Variants in ADSS1 observed in about 807,000 individuals in gnomAD.
The protein encoded by ADSS1 is adenylosuccinate synthase 1.
A neutral mutation model predicts 59.1 loss-of-function variants in ADSS1; 57 were observed. The observed-to-expected ratio is 0.97, with a 90% confidence interval of 0.78 to 1.20. The LOEUF is 1.20. Among genes scored for constraint, ADSS1 ranks in the 50% most tolerant of loss-of-function variants. The pLI, the probability that ADSS1 is intolerant of heterozygous loss-of-function variation, is 0.00. For missense variants in ADSS1, 603 were observed against 610.3 expected, an observed-to-expected ratio of 0.99 and a Z score of 0.13; for synonymous variants, 247 against 249.4, an observed-to-expected ratio of 0.99 and a Z score of 0.09.
rs200253621 is a variant in ADSS1 at position 104,738,446 on chromosome 14, C to T, written c.358+8C>T. ...AGAAGAATGAAAAGAAAGGTAGGTC[C>T]AAGCTCCTGCAGACTTGCCCTGTCC... On this transcript the variant is annotated splice_region_variant and intron_variant, in intron 3 of 12. Coordinates refer to ENST00000330877, the MANE Select transcript of ADSS1 (RefSeq NM_152328.5). 102 of 1,613,380 alleles carry T rather than the reference C, an allele frequency of 6.3e-5. 1 individual carries two copies. The African/African-American group carries it at 1.2e-3, about 19-fold the overall frequency.
Position 104,730,095 on chromosome 14 carries a change from C to G in ADSS1, c.193-4925C>G, listed in dbSNP as rs780252776. 1.9e-6 allele frequency: 3 copies of G among 1,552,864 alleles called. No individual in the cohort carries two copies. In the East Asian group the frequency reaches 7.3e-5, roughly 38 times the overall value. On this transcript the variant is annotated intron_variant, in intron 1 of 12. Coordinates refer to ENST00000330877, the MANE Select transcript of ADSS1 (RefSeq NM_152328.5). ...CTTCCCAGTGCCTGTGGAGGCCCAA[C>G]TAGGGTGACGCTGGGAGAGGAGAGG...
intron 7 of ADSS1, 26 bp from the exon 8 acceptor site, chr14:104,741,091 C>A: frequency 6.3e-7 from 1 of 1,589,970 alleles, no homozygotes; most frequent in Non-Finnish European, 8.6e-7. Context: ...CACAGGCTCA[C>A]TCTGCTGCTT....
At chr14:104,739,241 G>T in intron 3 of ADSS1, 87 bp from the exon 4 acceptor site, 1 of 1,433,370 alleles carries the variant, frequency 7.0e-7, no homozygotes, top group East Asian at 2.5e-5. Flanking sequence ...GATGGGAGCC[G>T]GGCGAGCTAG....
At position 104,740,981 on chromosome 14, in the gene ADSS1, C is replaced by T; in HGVS notation, c.666+61C>T. 1 of 1,610,678 alleles carries T rather than the reference C, an allele frequency of 6.2e-7. No individual in the cohort carries two copies. Among genetic ancestry groups the T allele is most frequent in the Non-Finnish European group, 8.5e-7 (1 of 1,177,578 alleles). On this transcript the variant is annotated intron_variant, in intron 7 of 12. Transcript: ENST00000330877. The surrounding 1 kb of genome is among the most constrained non-coding windows in gnomAD (Gnocchi z 4.8). ...TGCTCCTCCAGGGAGGCTGGATGTC[C>T]TACCTGGTGCTCGTTGAACACCCTT...
intron 1 of ADSS1, among the ~76,000 whole-genome samples, chr14:104,730,974 G>GGGGCC (rs1890910631): frequency 1.2e-5 from 1 of 82,792 alleles, no homozygotes. Context: ...GGGGGGGGGG[G>GGGGCC]CTCAGTGTCC....
intron 3 of ADSS1, among the ~76,000 whole-genome samples, chr14:104,738,814 C>T (rs1443104953): frequency 7.2e-5 from 11 of 152,224 alleles, no homozygotes; most frequent in African/African-American, 2.7e-4. Flanking sequence ...AGGCCAGACC[C>T]ACCAGCTGGG....
chr14:104,730,094 A>C lies in ADSS1; in HGVS notation c.193-4926A>C, dbSNP rs141450204. 1.8e-5 allele frequency: 28 copies of C among 1,552,712 alleles called. No individual in the cohort carries two copies. Among genetic ancestry groups the C allele is most frequent in the Non-Finnish European group, 3.5e-6 (4 of 1,148,102 alleles). On this transcript the variant is annotated intron_variant, in intron 1 of 12. Transcript: ENST00000330877. Reference sequence around the variant, plus strand: ...CCTTCCCAGTGCCTGTGGAGGCCCAACTAGGGTGACGCTGGGAGAGGAGAG... The same window carrying C: ...CCTTCCCAGTGCCTGTGGAGGCCCACCTAGGGTGACGCTGGGAGAGGAGAG...
chr14:104,746,883 C>A, intron 12 of ADSS1, 68 bp from the exon 13 acceptor site: 1 of 1,542,926 alleles, frequency 6.5e-7, no homozygotes, highest in Non-Finnish European at 9.0e-7. Context: ...AGATACGACA[C>A]TAAAGACAAC....
chr14:104,741,377 C>T (rs1351615970), intron 8 of ADSS1, 134 bp downstream of exon 8: 10 of 1,203,134 alleles, frequency 8.3e-6, no homozygotes, highest in Middle Eastern at 2.8e-4. Context: ...CATCCATGCC[C>T]GCGGAAATGA....
Position 104,734,987 on chromosome 14 carries a change from A to C in ADSS1, c.193-33A>C, listed in dbSNP as rs762788472. ...ATGTCCGGGGGGTCCTCAGTACCCA[A>C]GTGCCTTCAGCTCAGCCGGGTTTCT... On this transcript the variant is annotated intron_variant, in intron 1 of 12. Transcript: ENST00000330877. 5.6e-6 allele frequency: 9 copies of C among 1,598,742 alleles called. No homozygotes were observed. In the Admixed American group the frequency reaches 1.5e-4, roughly 27 times the overall value.
chr14:104,730,123 T>A, intron 1 of ADSS1: 2 of 1,548,088 alleles, frequency 1.3e-6, no homozygotes, highest in Non-Finnish European at 1.7e-6. Context: ...AGGAGAGGGC[T>A]TGGAGGAGCC....
chr14:104,734,935 C>A, intron 1 of ADSS1, 85 bp from the exon 2 acceptor site: 1 of 1,179,362 alleles, frequency 8.5e-7, no homozygotes. Flanking sequence ...CCTGCAGGGA[C>A]AGACGAAGCC....
intron 1 of ADSS1, among the ~76,000 whole-genome samples, chr14:104,727,403 G>C (rs2140742087): frequency 6.6e-6 from 1 of 151,718 alleles, no homozygotes; most frequent in East Asian, 2.0e-4. Context: ...ATGCCCCCTG[G>C]CCCCACTATG....
At chr14:104,737,188 G>C (rs1002144115) in intron 2 of ADSS1, 2 of 151,972 alleles carry the variant, frequency 1.3e-5, no homozygotes, top group Non-Finnish European at 2.9e-5. Flanking sequence ...TGCCACTATA[G>C]TATCGTACAG....
rs1316379560 is a variant in ADSS1, at chr14:104,743,143, T to C, written c.1025T>C (p.Leu342Pro). 12 of 1,612,542 alleles carry C rather than the reference T, an allele frequency of 7.4e-6. No individual in the cohort carries two copies. The highest frequency in any genetic ancestry group is 8.5e-7 in the Non-Finnish European group (1 of 1,180,016). The change falls in exon 10 of 13, where the codon CTC becomes CCC. Residue 342 changes from leucine (L) to proline (P), a missense_variant. By Grantham distance (98) the Leu-to-Pro change is moderately conservative. Coordinates refer to ENST00000330877, the MANE Select transcript of ADSS1 (RefSeq NM_152328.5). ...GGCAGGAAGAGGCGCTGCGGCTGGC[T>C]CGACCTGATGATTCTAAGATATGCT... is the stretch of plus-strand genomic sequence containing the variant. ...TTGRKRRCGW[L>P]DLMILRYAHM...
At chr14:104,729,337 G>A (rs1890812416) in intron 1 of ADSS1, among the ~76,000 whole-genome samples, 2 of 152,200 alleles carry the variant, frequency 1.3e-5, no homozygotes, top group African/African-American at 4.8e-5. Context: ...GCAGGACGAT[G>A]GCTGCAGGGC....
In ADSS1 at chr14:104,742,680, C is replaced by T. The variant is rs139768813; in HGVS notation, c.949-387C>T. ...CTTGAGAGGGTGCAGGGATACATAT[C>T]GGGAGATACACACACCCCTGACCCC... On this transcript the variant is annotated intron_variant, in intron 9 of 12. Coordinates refer to ENST00000330877, the MANE Select transcript of ADSS1 (RefSeq NM_152328.5). 6.0e-3 allele frequency among the ~76,000 whole-genome samples: 915 copies of T among 152,344 alleles called. 3 individuals carry two copies. The highest frequency in any genetic ancestry group is 9.6e-3 in the Non-Finnish European group (653 of 68,020).
intron 2 of ADSS1, 37 bp downstream of exon 2, chr14:104,735,159 A>C (rs1247023678): frequency 6.5e-7 from 1 of 1,549,716 alleles, no homozygotes. Flanking sequence ...TGAGCAGGAA[A>C]GGGGGTGTCA....
chr14:104,744,967 A>G, intron 11 of ADSS1, 58 bp downstream of exon 11: 1 of 1,511,194 alleles, frequency 6.6e-7, no homozygotes. Context: ...ATTGGAATAG[A>G]TAGGACCTGT....
Sources: allele counts gnomAD v4.1 joint callset (sites outside exome capture counted in the v4.1 genomes callset), GRCh38; gene constraint gnomAD v4.1.1; non-coding constraint Gnocchi (gnomAD v3.1); transcripts MANE v1.5; gene names NCBI Gene and HGNC (gene_info 2026-07-23, HGNC 2026-07-21).